Variants in TENM4 observed in about 807,000 individuals in gnomAD.
TENM4 encodes teneurin-4.
Under a neutral mutation model 243.3 loss-of-function variants are expected in TENM4, and 82 were observed. The ratio of observed to expected loss-of-function variants is 0.34; its 90% CI spans 0.28 to 0.40. The LOEUF is 0.40. Among genes scored for constraint, TENM4 ranks in the 10% least tolerant of loss-of-function variants. The probability of loss-of-function intolerance (pLI) is 1.00; values close to 1 mark genes in which losing one functional copy is unlikely to be tolerated. For synonymous variants in TENM4, 1,412 were observed against 1,456.3 expected (o/e 0.97, Z 0.69); for missense variants, 3,138 against 3,673.3 (o/e 0.85, Z 3.77).
intron 1 of TENM4, among the ~76,000 whole-genome samples, chr11:79,418,273 T>C (rs1165005061): frequency 1.3e-5 from 2 of 152,210 alleles, no homozygotes; most frequent in African/African-American, 4.8e-5. Context: ...CAGAAACCTC[T>C]ACTGAAAAGC....
intron 2 of TENM4, among the ~76,000 whole-genome samples, chr11:79,269,176 T>C (rs1269139289): frequency 6.6e-6 from 1 of 152,242 alleles, no homozygotes; most frequent in Non-Finnish European, 1.5e-5. Flanking sequence ...CACCTGTACA[T>C]GAACATGCTG....
intron 1 of TENM4, among the ~76,000 whole-genome samples, chr11:79,304,573 C>T (rs1337031527): frequency 6.6e-6 from 1 of 152,168 alleles, no homozygotes; most frequent in Admixed American, 6.5e-5. Flanking sequence ...AGATTTTGTC[C>T]TTTCTCCCTC....
intron 8 of TENM4, 113 bp from the exon 9 acceptor site, chr11:78,890,133 G>C: frequency 3.8e-6 from 3 of 792,880 alleles, no homozygotes; most frequent in Non-Finnish European, 5.9e-6. Flanking sequence ...AGCCTGGATA[G>C]AGAGAGTCAC....
At chr11:79,138,045 C>G (rs1430072157) in intron 4 of TENM4, among the ~76,000 whole-genome samples, 1 of 151,682 alleles carries the variant, frequency 6.6e-6, no homozygotes, top group Non-Finnish European at 1.5e-5. Context: ...CTGGGAAAAG[C>G]AGACCCACAC....
intron 2 of TENM4, among the ~76,000 whole-genome samples, chr11:79,252,245 T>C (rs1855623714): frequency 6.6e-6 from 1 of 152,206 alleles, no homozygotes; most frequent in South Asian, 2.1e-4. Context: ...TCTCTCTTTT[T>C]CTTTTTTGAG....
At chr11:78,671,329 G>A (rs1206388370) in intron 31 of TENM4, among the ~76,000 whole-genome samples, 1 of 152,084 alleles carries the variant, frequency 6.6e-6, no homozygotes, top group African/African-American at 2.4e-5. Flanking sequence ...ACTTTTGGGG[G>A]TACTCACCCA....
chr11:78,930,086 A>T (rs1339273763), intron 6 of TENM4, among the ~76,000 whole-genome samples: 1 of 152,208 alleles, frequency 6.6e-6, no homozygotes, highest in Non-Finnish European at 1.5e-5. Context: ...CCCCAAGGGA[A>T]AATGGTGCTC....
intron 4 of TENM4, among the ~76,000 whole-genome samples, chr11:79,117,885 C>T (rs1484982891): frequency 6.6e-6 from 1 of 152,162 alleles, no homozygotes; most frequent in Non-Finnish European, 1.5e-5. Flanking sequence ...ACACTAGTTC[C>T]CTTTCCCCCT....
intron 6 of TENM4, among the ~76,000 whole-genome samples, chr11:79,058,697 G>T (rs1358438868): frequency 6.6e-6 from 1 of 152,208 alleles, no homozygotes; most frequent in African/African-American, 2.4e-5. Context: ...ATGAGGGAAG[G>T]TTAAGAGTTG....
At chr11:78,689,329 G>A (rs1858761818) in intron 28 of TENM4, among the ~76,000 whole-genome samples, 1 of 152,156 alleles carries the variant, frequency 6.6e-6, no homozygotes, top group African/African-American at 2.4e-5. Flanking sequence ...TTTAATTAGG[G>A]GAGGATGAAG....
In TENM4 at chr11:78,897,639, G is replaced by A. The variant is rs550916823; in HGVS notation, c.749+5629C>T. On this transcript the variant is annotated intron_variant, in intron 7 of 33. Transcript: ENST00000278550. Reference sequence around the variant, plus strand: ...TGGTACCTGTCCTCATTCATTTACAGGTCTGTCTCCCTCAAAAGACGGTGA... The same window carrying A: ...TGGTACCTGTCCTCATTCATTTACAAGTCTGTCTCCCTCAAAAGACGGTGA... Among the ~76,000 whole-genome samples the A allele has an allele frequency of 1.5e-3, 232 of 152,318 alleles. 2 individuals carry two copies. Among genetic ancestry groups the A allele is most frequent in the African/African-American group, 5.4e-3 (224 of 41,566 alleles).
intron 3 of TENM4, among the ~76,000 whole-genome samples, chr11:79,186,789 C>T (rs1863388295): frequency 6.6e-6 from 1 of 152,156 alleles, no homozygotes. Context: ...GAATAAACTG[C>T]TTTGAATCTA....
chr11:79,432,052 T>A (rs2135613482), intron 1 of TENM4, among the ~76,000 whole-genome samples: 1 of 152,312 alleles, frequency 6.6e-6, no homozygotes, highest in African/African-American at 2.4e-5. Context: ...ACCAAGGAAA[T>A]AAATGATTAG....
chr11:78,984,599 C>T (rs980351808), intron 6 of TENM4, among the ~76,000 whole-genome samples: 2 of 152,126 alleles, frequency 1.3e-5, no homozygotes, highest in Admixed American at 1.3e-4. Flanking sequence ...ACTCCAGAGG[C>T]AATCTATTTC....
chr11:79,184,243 C>A (rs2135146844), intron 3 of TENM4, among the ~76,000 whole-genome samples: 1 of 152,214 alleles, frequency 6.6e-6, no homozygotes, highest in East Asian at 1.9e-4. Flanking sequence ...TTTTTGGTAC[C>A]AGGGACTGGT....
intron 6 of TENM4, among the ~76,000 whole-genome samples, chr11:78,981,383 A>G (rs927964856): frequency 6.6e-6 from 1 of 152,164 alleles, no homozygotes; most frequent in African/African-American, 2.4e-5. Context: ...TAATTATATT[A>G]TCTTCCATTT....
At chr11:79,233,868 G>A (rs139204256) in intron 2 of TENM4, among the ~76,000 whole-genome samples, 22 of 152,286 alleles carry the variant, frequency 1.4e-4, no homozygotes, top group Middle Eastern at 3.4e-3. Flanking sequence ...TCCAATGAGC[G>A]AAAAGGAAGA....
chr11:78,940,964 C>T (rs1301558011), intron 6 of TENM4, among the ~76,000 whole-genome samples: 1 of 152,182 alleles, frequency 6.6e-6, no homozygotes, highest in Non-Finnish European at 1.5e-5. Flanking sequence ...AGCCTTTTTG[C>T]CTGAAAAGTT....
At chr11:78,764,948 G>C (rs534505451) in intron 18 of TENM4, among the ~76,000 whole-genome samples, 1 of 152,132 alleles carries the variant, frequency 6.6e-6, no homozygotes, top group Non-Finnish European at 1.5e-5. Context: ...GTGTGGGCGG[G>C]GGCAAGGTGG....
Sources: gnomAD v4.1 joint callset for allele counts (sites outside exome capture counted in the v4.1 genomes callset) on GRCh38, gnomAD v4.1.1 for gene constraint, MANE v1.5 for transcripts, NCBI Gene and HGNC (gene_info 2026-07-23, HGNC 2026-07-21) for gene names.